The following SPAG16 variants were observed in gnomAD, a reference collection of about 807,000 sequenced individuals.
SPAG16 encodes the protein sperm-associated antigen 16 protein.
In SPAG16, 86 loss-of-function variants were observed where a neutral mutation model predicts 80.4. That is an observed-to-expected ratio of 1.07 (90% CI 0.90 to 1.28). SPAG16 has a LOEUF of 1.28. Ranked by LOEUF, SPAG16 falls within the 50% of genes most tolerant of loss-of-function variation. SPAG16 has a pLI of 0.00. For synonymous variants in SPAG16, 294 were observed against 265.9 expected (o/e 1.11, Z -1.03); for missense variants, 870 against 765.3 (o/e 1.14, Z -1.61).
intron 10 of SPAG16, among the ~76,000 whole-genome samples, chr2:213,576,262 A>G (rs1325323568): frequency 2.6e-5 from 4 of 152,000 alleles, no homozygotes; most frequent in Admixed American, 2.6e-4. Flanking sequence ...TGGGTTCTCT[A>G]TTCTGTTCCA....
At chr2:214,394,417 C>T (rs1391423068) in intron 15 of SPAG16, among the ~76,000 whole-genome samples, 1 of 151,878 alleles carries the variant, frequency 6.6e-6, no homozygotes, top group Admixed American at 6.6e-5. Context: ...CACTATTTTG[C>T]TGATTCTGAT....
chr2:214,295,740 G>A (rs1307616648), intron 15 of SPAG16, among the ~76,000 whole-genome samples: 2 of 151,978 alleles, frequency 1.3e-5, no homozygotes, highest in African/African-American at 4.8e-5. Context: ...GCAGTGAGCT[G>A]AGATCAAGCC....
Position 214,049,928 on chromosome 2 carries a change from A to G in SPAG16, c.1527+35851A>G, listed in dbSNP as rs539829495. 1.0e-3 allele frequency among the ~76,000 whole-genome samples: 154 copies of G among 152,378 alleles called. 2 individuals are homozygous for G. In the South Asian group the frequency reaches 0.017, roughly 17 times the overall value. On this transcript the variant is annotated intron_variant, in intron 13 of 15. Coordinates refer to ENST00000331683, the MANE Select transcript of SPAG16 (RefSeq NM_024532.5). ...AAAAAGAGATATAACATATGTTCTG[A>G]AACAGAGTTTCTGGAAATAGTTTCT...
intron 9 of SPAG16, among the ~76,000 whole-genome samples, chr2:213,431,091 T>C (rs2070267426): frequency 6.6e-6 from 1 of 152,078 alleles, no homozygotes; most frequent in Non-Finnish European, 1.5e-5. Context: ...GAAAGAAAGG[T>C]TGATATTTGC....
chr2:214,375,343 T>C (rs974251273), intron 15 of SPAG16, among the ~76,000 whole-genome samples: 1 of 152,202 alleles, frequency 6.6e-6, no homozygotes, highest in Non-Finnish European at 1.5e-5. Context: ...GGAAACTTAT[T>C]ACAGTTGCCA....
intron 10 of SPAG16, among the ~76,000 whole-genome samples, chr2:213,855,130 C>G (rs2075090051): frequency 1.3e-5 from 2 of 152,230 alleles, no homozygotes; most frequent in African/African-American, 4.8e-5. Context: ...AGACAATTTT[C>G]AGAAAATAGC....
intron 15 of SPAG16, among the ~76,000 whole-genome samples, chr2:214,399,689 G>T (rs532985088): frequency 1.3e-5 from 2 of 152,116 alleles, no homozygotes; most frequent in South Asian, 4.1e-4. Flanking sequence ...AGACAAAAAT[G>T]ATTAATTTCT....
intron 10 of SPAG16, among the ~76,000 whole-genome samples, chr2:213,624,814 G>A (rs114849510): frequency 0.013 from 1,972 of 152,062 alleles, 19 homozygotes; most frequent in South Asian, 0.036. Flanking sequence ...TTTTTGAGAT[G>A]GAGTCTTGAT....
At chr2:213,740,348 G>T (rs368294165) in intron 10 of SPAG16, among the ~76,000 whole-genome samples, 6 of 152,158 alleles carry the variant, frequency 3.9e-5, no homozygotes, top group Non-Finnish European at 7.4e-5. Context: ...GTAACAAACT[G>T]TAAAGAAAGG....
Position 214,149,280 on chromosome 2 carries a change from T to C in SPAG16, c.1720+14T>C. 6.5e-7 allele frequency: 1 copy of C among 1,540,086 alleles called. No individual in the cohort carries two copies. The highest frequency in any genetic ancestry group is 8.7e-7 in the Non-Finnish European group (1 of 1,142,938). On this transcript the variant is annotated intron_variant, in intron 15 of 15. Coordinates refer to ENST00000331683, the MANE Select transcript of SPAG16 (RefSeq NM_024532.5). ...TTGATTCATCAGGTAGGATCATTTTTGTCTAATGTTTCTGACTAAGCCAAT... is the reference window on the plus strand; with the variant it reads ...TTGATTCATCAGGTAGGATCATTTTCGTCTAATGTTTCTGACTAAGCCAAT...
intron 10 of SPAG16, among the ~76,000 whole-genome samples, chr2:213,828,621 A>T (rs982147803): frequency 6.6e-6 from 1 of 152,032 alleles, no homozygotes; most frequent in Admixed American, 6.6e-5. Context: ...TTAGGTATTT[A>T]TTATCGTTTT....
intron 13 of SPAG16, among the ~76,000 whole-genome samples, chr2:214,104,006 G>A (rs571441660): frequency 6.6e-6 from 1 of 151,998 alleles, no homozygotes; most frequent in African/African-American, 2.4e-5. Flanking sequence ...AGAAACCTTT[G>A]CTCTGAAATC....
At chr2:213,331,904 G>A (rs1406380249) in intron 5 of SPAG16, among the ~76,000 whole-genome samples, 1 of 151,896 alleles carries the variant, frequency 6.6e-6, no homozygotes, top group Non-Finnish European at 1.5e-5. Context: ...GGAATTTATA[G>A]GCACTTACAT....
At chr2:213,409,829 A>G (rs1406875097) in intron 9 of SPAG16, among the ~76,000 whole-genome samples, 2 of 152,200 alleles carry the variant, frequency 1.3e-5, no homozygotes, top group South Asian at 2.1e-4. Flanking sequence ...ACCAAGGACT[A>G]TAAAGTCCTC....
chr2:213,845,883 C>T (rs1421156405), intron 10 of SPAG16, among the ~76,000 whole-genome samples: 1 of 152,170 alleles, frequency 6.6e-6, no homozygotes, highest in Non-Finnish European at 1.5e-5. Flanking sequence ...TTACTCTGCT[C>T]CATGTCTCTC....
intron 14 of SPAG16, among the ~76,000 whole-genome samples, chr2:214,114,932 A>C (rs1348021156): frequency 6.6e-6 from 1 of 152,206 alleles, no homozygotes; most frequent in African/African-American, 2.4e-5. Flanking sequence ...CTATTTGGCC[A>C]TCTTGGAACA....
At chr2:213,883,544 G>T (rs183273995) in intron 11 of SPAG16, among the ~76,000 whole-genome samples, 1 of 152,288 alleles carries the variant, frequency 6.6e-6, no homozygotes, top group African/African-American at 2.4e-5. Context: ...TAAGTGTCAA[G>T]TTTAAGGCCA....
intron 10 of SPAG16, among the ~76,000 whole-genome samples, chr2:213,521,081 G>T (rs1323062343): frequency 6.6e-6 from 1 of 152,182 alleles, no homozygotes; most frequent in East Asian, 1.9e-4. Context: ...TCTTATGTGT[G>T]TGTGGATTCA....
At chr2:213,315,350 T>C (rs1216105682) in intron 4 of SPAG16, among the ~76,000 whole-genome samples, 2 of 151,920 alleles carry the variant, frequency 1.3e-5, no homozygotes, top group Admixed American at 6.6e-5. Flanking sequence ...CCTCAGACTC[T>C]AATGTTATCT....
Sources: allele counts gnomAD v4.1 joint callset (sites outside exome capture counted in the v4.1 genomes callset), GRCh38; gene constraint gnomAD v4.1.1; transcripts MANE v1.5; gene names NCBI Gene and HGNC (gene_info 2026-07-23, HGNC 2026-07-21).